Variants in TMEM131 observed in about 807,000 individuals in gnomAD.
The protein encoded by TMEM131 is transmembrane protein 131.
In TMEM131, 66 loss-of-function variants were observed where a neutral mutation model predicts 211.6. The ratio of observed to expected loss-of-function variants is 0.31; its 90% CI spans 0.26 to 0.38. The LOEUF is 0.38. TMEM131 is among the 10% of genes least tolerant of loss of function. TMEM131 has a pLI of 1.00. For missense variants in TMEM131, 2,036 were observed against 2,299.3 expected (o/e 0.89, Z 2.34); for synonymous variants, 844 against 841.3 (o/e 1.00, Z -0.06).
chr2:97,845,469 A>T (rs941357099), intron 5 of TMEM131, among the ~76,000 whole-genome samples: 1 of 152,284 alleles, frequency 6.6e-6, no homozygotes, highest in African/African-American at 2.4e-5. Flanking sequence ...AAATTCAACA[A>T]CATACTTCTA....
At chr2:97,907,899 C>T (rs189005578) in intron 3 of TMEM131, among the ~76,000 whole-genome samples, 6 of 152,224 alleles carry the variant, frequency 3.9e-5, no homozygotes, top group African/African-American at 7.2e-5. Context: ...TATACCATTA[C>T]GCTGAATCTT....
At chr2:97,843,856 A>G (rs967948152) in intron 6 of TMEM131, among the ~76,000 whole-genome samples, 1 of 152,222 alleles carries the variant, frequency 6.6e-6, no homozygotes, top group African/African-American at 2.4e-5. Context: ...TAAGTGTGTA[A>G]AAGTAAAAAT....
At chr2:97,814,952 ATT>A (rs1461270438) in intron 13 of TMEM131, among the ~76,000 whole-genome samples, 1 of 152,216 alleles carries the variant, frequency 6.6e-6, no homozygotes, top group Non-Finnish European at 1.5e-5. Flanking sequence ...AAAAAATCAG[ATT>A]TTTGAATCAT....
chr2:97,815,985 T>G (rs1681810371), intron 12 of TMEM131, among the ~76,000 whole-genome samples: 1 of 152,188 alleles, frequency 6.6e-6, no homozygotes, highest in African/African-American at 2.4e-5. Flanking sequence ...AATCCCCTCC[T>G]GTCATCATAT....
chr2:97,808,751 C>T (rs774577649), intron 19 of TMEM131, among the ~76,000 whole-genome samples: 6 of 152,262 alleles, frequency 3.9e-5, no homozygotes, highest in South Asian at 2.1e-4. Flanking sequence ...TAGCACAATA[C>T]GAGGCTTGCA....
chr2:97,760,851 C>G lies in TMEM131; in HGVS notation c.4953G>C (p.Pro1651=). The part of the protein sequence containing the change: ...KHKLTKAASL[P]GKNGNPTFAA... ...CAAAAGTGGGGTTGCCGTTCTTGCC[C>G]GGGAGCGAGGCTGCCTTTGTCAACT... Residue 1651 remains proline (P), a synonymous_variant, in exon 37 of 41, where the codon CCG becomes CCC. Transcript: ENST00000186436. 6.2e-7 allele frequency: 1 copy of G among 1,614,028 alleles called. No homozygotes were observed. Among genetic ancestry groups the G allele is most frequent in the East Asian group, 2.2e-5 (1 of 44,878 alleles).
At chr2:97,792,061 C>T (rs953007834) in intron 31 of TMEM131, among the ~76,000 whole-genome samples, 7 of 152,200 alleles carry the variant, frequency 4.6e-5, no homozygotes, top group Admixed American at 3.9e-4. Context: ...CTCCATTTTA[C>T]TCCTGTGCTC....
intron 2 of TMEM131, among the ~76,000 whole-genome samples, chr2:97,926,392 G>A (rs1469388099): frequency 1.3e-5 from 2 of 152,064 alleles, no homozygotes; most frequent in South Asian, 2.1e-4. Context: ...GTCAGAAAAA[G>A]ATAACATTAT....
intron 7 of TMEM131, among the ~76,000 whole-genome samples, chr2:97,841,614 A>G (rs1683198730): frequency 8.5e-5 from 1 of 11,740 alleles, no homozygotes; most frequent in Admixed American, 3.8e-4. Flanking sequence ...CAAAATCCAG[A>G]CTGCTGTATT....
At chr2:97,949,233 T>C (rs1327864184) in intron 1 of TMEM131, among the ~76,000 whole-genome samples, 2 of 152,128 alleles carry the variant, frequency 1.3e-5, no homozygotes, top group Non-Finnish European at 2.9e-5. Flanking sequence ...AAAATAATCA[T>C]GCTGAGTGAA....
In TMEM131 at chr2:97,756,467, A is replaced by C. The variant is rs1241586946; in HGVS notation, c.*632T>G. 1 of 152,266 alleles carries C rather than the reference A, an allele frequency of 6.6e-6. No homozygotes were observed. Among genetic ancestry groups the C allele is most frequent in the Non-Finnish European group, 1.5e-5 (1 of 68,052 alleles). 9.4% of individuals were successfully genotyped at this position (152,266 alleles called of 1,614,324 possible). A position where few individuals can be genotyped will look rare whatever the true frequency, so the allele number is the denominator to read the frequency against. ...ATCTTTAAAATAAGTTCAGGTATACAAATGTTACATACCTCAAGTACAAAC... is the reference window on the plus strand; with the variant it reads ...ATCTTTAAAATAAGTTCAGGTATACCAATGTTACATACCTCAAGTACAAAC... On this transcript the variant is annotated 3_prime_UTR_variant, in exon 41 of 41. Coordinates refer to ENST00000186436, the MANE Select transcript of TMEM131 (RefSeq NM_015348.2).
Position 97,758,885 on chromosome 2 carries a change from G to C in TMEM131, c.5367+8C>G. On this transcript the variant is annotated splice_region_variant and intron_variant, in intron 40 of 40. Transcript: ENST00000186436. The stretch of plus-strand genomic sequence containing the variant: ...GTCCAGGCCCCAGCCCCAGCCCCAA[G>C]TACTCACTGTGGCTGTGTGGGTCGG... 6.2e-7 allele frequency: 1 copy of C among 1,605,424 alleles called. No individual in the cohort carries two copies. Among genetic ancestry groups the C allele is most frequent in the Non-Finnish European group, 8.5e-7 (1 of 1,175,678 alleles).
chr2:97,796,404 C>T lies in TMEM131; in HGVS notation c.3014G>A (p.Ser1005Asn). The T allele has an allele frequency of 6.7e-7, 1 of 1,502,396 alleles. No homozygotes were observed. Among genetic ancestry groups the T allele is most frequent in the Non-Finnish European group, 8.9e-7 (1 of 1,124,142 alleles). The allele number at this position is 1,502,396 out of a possible 1,614,324, so 93.1% of individuals were successfully genotyped here. Residue 1005 changes from serine (S) to asparagine (N), a missense_variant and splice_region_variant, in exon 28 of 41, where the codon AGT (serine) becomes AAT (asparagine). Physicochemically the swap from Ser to Asn is conservative, Grantham distance 46. Around this residue, in one of 3 missense-constraint regions of TMEM131, gnomAD observed 1,623 missense variants for 1,805.9 expected, o/e 0.90. Coordinates refer to ENST00000186436, the MANE Select transcript of TMEM131 (RefSeq NM_015348.2). ...TEALLKDCTDSLKLREPNFTL... is the reference protein window; with the variant it reads ...TEALLKDCTDNLKLREPNFTL... The stretch of plus-strand genomic sequence containing the variant: ...GAAATTTGGTTCTCTTAGTTTTAAA[C>T]CTAAAGGATAAAAAATCAGGAATAA...
At chr2:97,818,205 G>A (rs1289584542) in intron 12 of TMEM131, among the ~76,000 whole-genome samples, 1 of 151,988 alleles carries the variant, frequency 6.6e-6, no homozygotes, top group African/African-American at 2.4e-5. Flanking sequence ...GCCAATATAT[G>A]AAAATGTTAC....
Position 97,938,355 on chromosome 2 carries a change from C to A in TMEM131, c.188-10868G>T, listed in dbSNP as rs550799835. 4.4e-4 allele frequency among the ~76,000 whole-genome samples: 67 copies of A among 151,448 alleles called. 1 individual carries two copies. The highest frequency in any genetic ancestry group is 4.3e-3 in the Admixed American group (65 of 15,218). ...GAAAATCTGCCAAGCAAATGGAAAT[C>A]AAAAAAAAGCAGGGGTTGCAATCCT... On this transcript the variant is annotated intron_variant, in intron 1 of 40. Transcript: ENST00000186436.
At chr2:97,879,744 T>G (rs1270964065) in intron 4 of TMEM131, among the ~76,000 whole-genome samples, 1 of 152,236 alleles carries the variant, frequency 6.6e-6, no homozygotes, top group Non-Finnish European at 1.5e-5. Flanking sequence ...TTAACATTTT[T>G]TTTTAGCTTC....
intron 7 of TMEM131, among the ~76,000 whole-genome samples, chr2:97,839,707 G>A (rs1683105208): frequency 1.3e-5 from 2 of 152,234 alleles, no homozygotes; most frequent in African/African-American, 4.8e-5. Flanking sequence ...CTGCAACTAT[G>A]CTGTCTATGC....
intron 1 of TMEM131, among the ~76,000 whole-genome samples, chr2:97,956,913 C>T: frequency 6.6e-6 from 1 of 152,004 alleles, no homozygotes; most frequent in Non-Finnish European, 1.5e-5. Flanking sequence ...GCCTGGCCAA[C>T]ATGGTGAAAC....
intron 4 of TMEM131, among the ~76,000 whole-genome samples, chr2:97,886,760 T>C (rs1012908971): frequency 1.3e-5 from 2 of 152,190 alleles, no homozygotes; most frequent in African/African-American, 2.4e-5. Flanking sequence ...CGTGTTTAGT[T>C]GGATGGTGTG....
Sources: gnomAD v4.1 joint callset for allele counts (sites outside exome capture counted in the v4.1 genomes callset) on GRCh38, gnomAD v4.1.1 for gene constraint, gnomAD v4.1.1 regional missense constraint, MANE v1.5 for transcripts, NCBI Gene and HGNC (gene_info 2026-07-23, HGNC 2026-07-21) for gene names.